ABI2: variants seen among roughly 807,000 people sequenced by gnomAD.
The protein encoded by ABI2 is abelson interactor 2.
Under a neutral mutation model 59.2 loss-of-function variants are expected in ABI2, and 25 were observed. The ratio of observed to expected loss-of-function variants is 0.42; its 90% CI spans 0.31 to 0.59. The LOEUF is 0.59. Among genes scored for constraint, ABI2 ranks in the 20% least tolerant of loss-of-function variants. The pLI, the probability that ABI2 is intolerant of heterozygous loss-of-function variation, is 0.14. For missense variants in ABI2, 545 were observed against 681.8 expected (o/e 0.80, Z 2.23); for synonymous variants, 213 against 235.5 (o/e 0.90, Z 0.87).
At chr2:203,368,409 A>G (rs890794372) in intron 2 of ABI2, among the ~76,000 whole-genome samples, 6 of 152,124 alleles carry the variant, frequency 3.9e-5, no homozygotes, top group Non-Finnish European at 8.8e-5. Flanking sequence ...TTGGAATGAA[A>G]ATAATTTTTA....
chr2:203,391,836 AAAG>A (rs1469381355), intron 5 of ABI2, among the ~76,000 whole-genome samples: 7 of 151,980 alleles, frequency 4.6e-5, no homozygotes, highest in Non-Finnish European at 8.8e-5. Context: ...AAAAAAAAAA[AAAG>A]AAGAATATGG....
At chr2:203,390,902 A>T in intron 4 of ABI2, 144 bp from the exon 5 acceptor site, 1 of 647,954 alleles carries the variant, frequency 1.5e-6, no homozygotes, top group Non-Finnish European at 2.8e-6. Context: ...TAGAGTAGAG[A>T]TTGCATATGA....
At chr2:203,390,868 T>C (rs1233635389) in intron 4 of ABI2, among the ~76,000 whole-genome samples, 178 bp from the exon 5 acceptor site, 1 of 152,170 alleles carries the variant, frequency 6.6e-6, no homozygotes, top group African/African-American at 2.4e-5. Context: ...GAAGAGTCCT[T>C]TGAGTACAAC....
At chr2:203,392,492 GA>G (rs2096799028) in intron 5 of ABI2, among the ~76,000 whole-genome samples, 1 of 152,090 alleles carries the variant, frequency 6.6e-6, no homozygotes, top group Non-Finnish European at 1.5e-5. Context: ...TTCCAACCAG[GA>G]ATAGGATGAC....
chr2:203,357,590 C>T (rs925417869), intron 1 of ABI2, among the ~76,000 whole-genome samples: 5 of 152,062 alleles, frequency 3.3e-5, no homozygotes, highest in Non-Finnish European at 7.4e-5. Context: ...CAGTTATTTC[C>T]AGTTTGTCTA....
intron 1 of ABI2, among the ~76,000 whole-genome samples, chr2:203,343,079 T>C (rs1406786649): frequency 2.0e-5 from 3 of 152,032 alleles, no homozygotes; most frequent in Non-Finnish European, 4.4e-5. Context: ...AGCCTGCAGA[T>C]TGGGAAGTGG....
intron 1 of ABI2, among the ~76,000 whole-genome samples, chr2:203,332,195 TATG>T (rs1228990547): frequency 2.0e-5 from 3 of 152,244 alleles, no homozygotes; most frequent in Non-Finnish European, 4.4e-5. Context: ...TTTTCTAAAA[TATG>T]ATAAACAGGT....
At chr2:203,378,209 T>C (rs901262381) in intron 2 of ABI2, among the ~76,000 whole-genome samples, 4 of 151,880 alleles carry the variant, frequency 2.6e-5, no homozygotes, top group Non-Finnish European at 5.9e-5. Flanking sequence ...GCCTCCTGGG[T>C]TCACGCCATT....
intron 1 of ABI2, among the ~76,000 whole-genome samples, chr2:203,353,784 CACCATGCCAGGCCCAGAGGT>C (rs2090335269): frequency 6.6e-6 from 1 of 152,202 alleles, no homozygotes; most frequent in Non-Finnish European, 1.5e-5. Context: ...AGGCGTGAGC[CACCATGCCAGGCCCAGAGGT>C]ACTTTAAACT....
At chr2:203,411,434 G>C in intron 10 of ABI2, 63 bp downstream of exon 10, 1 of 1,239,256 alleles carries the variant, frequency 8.1e-7, no homozygotes, top group Non-Finnish European at 1.2e-6. Flanking sequence ...ATTTATATGT[G>C]ATTGACTGGA....
chr2:203,418,646 CT>C, intron 11 of ABI2, among the ~76,000 whole-genome samples: 2 of 152,314 alleles, frequency 1.3e-5, no homozygotes, highest in East Asian at 1.9e-4. Flanking sequence ...GACACTAGTC[CT>C]TTTTTCACCT....
chr2:203,411,024 C>T (rs1050441746), intron 9 of ABI2, among the ~76,000 whole-genome samples: 7 of 150,800 alleles, frequency 4.6e-5, no homozygotes, highest in East Asian at 1.9e-4. Flanking sequence ...ATAAAACATA[C>T]GATTATGTTA....
chr2:203,367,121 C>G (rs1012519430), intron 2 of ABI2, 77 bp downstream of exon 2: 4 of 1,429,612 alleles, frequency 2.8e-6, no homozygotes, highest in Non-Finnish European at 3.7e-6. Context: ...ATGCTGGCAG[C>G]TTTTATTATG....
At chr2:203,375,512 G>T (rs902110636) in intron 2 of ABI2, among the ~76,000 whole-genome samples, 1 of 152,032 alleles carries the variant, frequency 6.6e-6, no homozygotes, top group African/African-American at 2.4e-5. Context: ...TTAACTTAAT[G>T]AAATTTAACA....
chr2:203,357,121 A>AT (rs1256447315), intron 1 of ABI2, among the ~76,000 whole-genome samples: 1 of 152,238 alleles, frequency 6.6e-6, no homozygotes, highest in Non-Finnish European at 1.5e-5. Context: ...TAAAATAGAT[A>AT]TAAAATTTGT....
chr2:203,411,347 T>A lies in ABI2; in HGVS notation c.1255T>A (p.Phe419Ile), dbSNP rs149356092. 38 of 1,613,524 alleles carry A rather than the reference T, an allele frequency of 2.4e-5. No individual in the cohort carries two copies. The highest frequency in any genetic ancestry group is 3.1e-5 in the Non-Finnish European group (37 of 1,179,648). Residue 419 changes from phenylalanine to isoleucine, a missense_variant, in exon 10 of 12, where the codon TTT becomes ATT. Transcript: ENST00000261018. ...QVTPQLPLMG[F>I]VARVQENISD... ...AACTCCTCAGTTACCTTTAATGGGA[T>A]TTGTGGCCAGAGTCCAAGAAAATAG...
At chr2:203,400,697 T>C (rs1436458930) in intron 8 of ABI2, among the ~76,000 whole-genome samples, 1 of 152,240 alleles carries the variant, frequency 6.6e-6, no homozygotes. Context: ...ATAATCCTTA[T>C]ATGACTCCAT....
chr2:203,376,162 T>G (rs1232737689), intron 2 of ABI2: 1 of 1,479,388 alleles, frequency 6.8e-7, no homozygotes, highest in Non-Finnish European at 9.0e-7. Flanking sequence ...GTCCTTCCTC[T>G]ATAGATCTTT....
chr2:203,363,787 A>G lies in ABI2; in HGVS notation c.118-3090A>G, dbSNP rs111615300. On this transcript the variant is annotated intron_variant, in intron 1 of 11. Transcript: ENST00000261018. ...CTTTTCTTTTCTTTTTTTTTGAGAC[A>G]GAGTTTTGCTTTTGTTACCCAGGCT... 6.9e-3 allele frequency among the ~76,000 whole-genome samples: 1,045 copies of G among 152,026 alleles called. 6 individuals are homozygous for G. The highest frequency in any genetic ancestry group is 0.011 in the Non-Finnish European group (757 of 67,982).
Sources: allele counts gnomAD v4.1 joint callset (sites outside exome capture counted in the v4.1 genomes callset), GRCh38; gene constraint gnomAD v4.1.1; transcripts MANE v1.5; gene names NCBI Gene and HGNC (gene_info 2026-07-23, HGNC 2026-07-21).